The following NOSTRIN variants were observed in gnomAD, a reference collection of about 807,000 sequenced individuals.
NOSTRIN encodes the protein BM247 homolog.
Under a neutral mutation model 59.0 loss-of-function variants are expected in NOSTRIN, and 63 were observed. The observed-to-expected ratio is 1.07, with a 90% confidence interval of 0.87 to 1.32. The LOEUF (loss-of-function observed/expected upper bound fraction) is 1.32. NOSTRIN is among the 40% of genes most tolerant of loss of function. The pLI, the probability that NOSTRIN is intolerant of heterozygous loss-of-function variation, is 0.00. For missense variants in NOSTRIN, 512 were observed against 473.1 expected (o/e 1.08, Z -0.76); for synonymous variants, 200 against 165.4 (o/e 1.21, Z -1.61).
At chr2:168,788,892 A>AAGATTGAT (rs1553519181) in intron 2 of NOSTRIN, among the ~76,000 whole-genome samples, 2 of 148,394 alleles carry the variant, frequency 1.3e-5, no homozygotes, top group East Asian at 4.1e-4. Context: ...CACAGATAAA[A>AAGATTGAT]AGATAGATAG....
chr2:168,818,662 A>G (rs1686552642), intron 2 of NOSTRIN, among the ~76,000 whole-genome samples: 1 of 152,200 alleles, frequency 6.6e-6, no homozygotes, highest in Admixed American at 6.5e-5. Context: ...TTTCAAAAAT[A>G]TAATTTATTT....
intron 11 of NOSTRIN, 38 bp downstream of exon 11, chr2:168,855,498 C>G (rs1296917914): frequency 3.5e-6 from 4 of 1,131,892 alleles, no homozygotes; most frequent in Non-Finnish European, 5.3e-6. Flanking sequence ...GAAAAGGGAC[C>G]ATATGATGCT....
At chr2:168,811,330 G>A (rs562327893) in intron 1 of NOSTRIN, 24 of 264,242 alleles carry the variant, frequency 9.1e-5, no homozygotes, top group African/African-American at 4.7e-4. Flanking sequence ...TGGCCAAGGG[G>A]AGAAATAGAT....
At chr2:168,857,010 G>A (rs545578310) in intron 12 of NOSTRIN, among the ~76,000 whole-genome samples, 151 of 152,188 alleles carry the variant, frequency 9.9e-4, no homozygotes, top group Non-Finnish European at 1.5e-3. Flanking sequence ...GTCTAAAATA[G>A]TATTCTCCAA....
chr2:168,842,944 C>T (rs1688187437), intron 7 of NOSTRIN, 48 bp from the exon 8 acceptor site: 1 of 854,890 alleles, frequency 1.2e-6, no homozygotes, highest in Non-Finnish European at 2.0e-6. Flanking sequence ...TTACAAAGGG[C>T]TTTCAAAAAT....
chr2:168,853,577 G>A (rs569628432), intron 10 of NOSTRIN, among the ~76,000 whole-genome samples: 1 of 152,324 alleles, frequency 6.6e-6, no homozygotes, highest in South Asian at 2.1e-4. Flanking sequence ...TTAAACAATA[G>A]ATGTCCCCAG....
intron 10 of NOSTRIN, among the ~76,000 whole-genome samples, chr2:168,854,751 C>G (rs141177220): frequency 6.6e-6 from 1 of 152,124 alleles, no homozygotes; most frequent in Non-Finnish European, 1.5e-5. Flanking sequence ...CTTGCCTCCT[C>G]GAAGCTGTCA....
chr2:168,819,233 G>T (rs1428055598), intron 2 of NOSTRIN, among the ~76,000 whole-genome samples: 2 of 152,120 alleles, frequency 1.3e-5, no homozygotes, highest in South Asian at 2.1e-4. Flanking sequence ...GAGATGAGAA[G>T]AAATCATTCT....
chr2:168,850,386 C>G (rs1208708217), intron 8 of NOSTRIN, among the ~76,000 whole-genome samples: 1 of 152,164 alleles, frequency 6.6e-6, no homozygotes, highest in Non-Finnish European at 1.5e-5. Context: ...TAATTTTAGG[C>G]AGAATTATAA....
At chr2:168,863,639 T>TGAATGGGGAGTTACATTTC in intron 15 of NOSTRIN, 2 of 976,642 alleles carry the variant, frequency 2.0e-6, no homozygotes, top group South Asian at 4.8e-5. Context: ...AGTTACATTT[T>TGAATGGGGAGTTACATTTC]GAATGGGGAG....
At chr2:168,787,979 T>A (rs1192388024) in exon 2 of NOSTRIN, 1 of 152,070 alleles carries the variant, frequency 6.6e-6, no homozygotes, top group African/African-American at 2.4e-5. Flanking sequence ...AAGCAGAACC[T>A]TGAGAAATAC....
chr2:168,810,898 A>G (rs997735547), intron 1 of NOSTRIN, among the ~76,000 whole-genome samples: 2 of 152,190 alleles, frequency 1.3e-5, no homozygotes, highest in African/African-American at 4.8e-5. Flanking sequence ...GACATTGTGG[A>G]GTTCTAAATC....
rs1425693702 is a variant in NOSTRIN, at chr2:168,828,299, C to T, written c.260+79C>T. On this transcript the variant is annotated intron_variant, in intron 4 of 15. Transcript: ENST00000317647. The stretch of plus-strand genomic sequence containing the variant: ...AAGTGGGTTTGCTACAAATATTCCA[C>T]TTCCAACTTGCACTGAATAGGTGTT... 4.6e-6 allele frequency: 4 copies of T among 870,294 alleles called. No individual in the cohort carries two copies. In the Admixed American group the frequency reaches 5.1e-5, roughly 11 times the overall value. 53.9% of individuals were successfully genotyped at this position (870,294 alleles called of 1,614,324 possible).
intron 15 of NOSTRIN, among the ~76,000 whole-genome samples, chr2:168,864,075 C>T (rs372440183): frequency 2.0e-5 from 3 of 151,860 alleles, no homozygotes; most frequent in Admixed American, 2.0e-4. Context: ...TCAAGTGATT[C>T]TCCTGCCTCA....
At chr2:168,798,574 G>A (rs947058974), upstream of NOSTRIN, among the ~76,000 whole-genome samples, 10 of 152,162 alleles carry the variant, frequency 6.6e-5, no homozygotes, top group Non-Finnish European at 1.5e-4. Context: ...TACCAGGAAG[G>A]CACATGCTGA....
At chr2:168,795,481 C>T (rs1039562608), upstream of NOSTRIN, among the ~76,000 whole-genome samples, 15 of 152,162 alleles carry the variant, frequency 9.9e-5, no homozygotes, top group Non-Finnish European at 2.1e-4. Context: ...GTCCATTAGT[C>T]TTCATTTCCT....
chr2:168,848,333 T>G (rs922820762), intron 8 of NOSTRIN, among the ~76,000 whole-genome samples: 18 of 152,250 alleles, frequency 1.2e-4, no homozygotes, highest in Admixed American at 3.9e-4. Flanking sequence ...CTCAGGGGAC[T>G]GCCAGCGTAA....
In NOSTRIN at chr2:168,851,357, A is replaced by G. The variant is rs777039070; in HGVS notation, c.808A>G (p.Ile270Val). The G allele has an allele frequency of 1.2e-6, 2 of 1,613,502 alleles. No homozygotes were observed. The highest frequency in any genetic ancestry group is 8.5e-7 in the Non-Finnish European group (1 of 1,179,906). ...CCAGGCTGTAATGGAAGAAACTGCA[A>G]TTTTATCTACAGAAAACAAATCTGA... The part of the protein sequence containing the change: ...DIQAVMEETA[I>V]LSTENKSEFL... The change falls in exon 10 of 16, where the codon ATT becomes GTT. Residue 270 changes from isoleucine (I) to valine (V), a missense_variant. Coordinates refer to ENST00000317647, the MANE Select transcript of NOSTRIN (RefSeq NM_001039724.4).
At chr2:168,839,808 C>T (rs1687953038) in intron 7 of NOSTRIN, among the ~76,000 whole-genome samples, 1 of 147,722 alleles carries the variant, frequency 6.8e-6, no homozygotes, top group African/African-American at 2.5e-5. Flanking sequence ...ATCGCTTGAA[C>T]CTGAGAGGCG....
Sources: gnomAD v4.1 joint callset for allele counts (sites outside exome capture counted in the v4.1 genomes callset) on GRCh38, gnomAD v4.1.1 for gene constraint, MANE v1.5 for transcripts, NCBI Gene and HGNC (gene_info 2026-07-23, HGNC 2026-07-21) for gene names.